Variants in CATSPERB observed in about 807,000 individuals in gnomAD.
The protein encoded by CATSPERB is catsper channel auxiliary subunit beta.
CATSPERB carries 93 observed loss-of-function variants against 128.3 expected under a neutral mutation model. The ratio of observed to expected loss-of-function variants is 0.72; its 90% CI spans 0.61 to 0.86. The LOEUF is 0.86. Ranked by LOEUF, CATSPERB falls within the 40% of genes least tolerant of loss-of-function variation. The probability of loss-of-function intolerance (pLI) is 0.00; values close to 1 mark genes in which losing one functional copy is unlikely to be tolerated. For synonymous variants in CATSPERB, 381 were observed against 448.8 expected (o/e 0.85, Z 1.91); for missense variants, 1,153 against 1,329.5 (o/e 0.87, Z 2.06).
At chr14:91,721,840 ACT>A (rs1348078026) in intron 4 of CATSPERB, among the ~76,000 whole-genome samples, 3 of 148,558 alleles carry the variant, frequency 2.0e-5, no homozygotes, top group East Asian at 2.0e-4. Flanking sequence ...ACAGAACGAG[ACT>A]CTGTCTAAAA....
chr14:91,605,268 C>T (rs762942333), intron 22 of CATSPERB: 82 of 1,201,056 alleles, frequency 6.8e-5, no homozygotes, highest in Middle Eastern at 2.7e-4. Flanking sequence ...TCTTTACAGA[C>T]GGATGCGTTG....
intron 17 of CATSPERB, among the ~76,000 whole-genome samples, chr14:91,630,705 G>A (rs1479157345): frequency 1.3e-5 from 2 of 152,028 alleles, no homozygotes; most frequent in African/African-American, 4.8e-5. Flanking sequence ...TTTCTAAGGG[G>A]CTTGGCAGCT....
intron 11 of CATSPERB, among the ~76,000 whole-genome samples, chr14:91,683,002 A>G (rs1895309702): frequency 6.6e-6 from 1 of 152,142 alleles, no homozygotes; most frequent in South Asian, 2.1e-4. Flanking sequence ...TGCATTGGAT[A>G]CTCATATTCT....
chr14:91,712,846 A>G (rs923418440), intron 5 of CATSPERB, among the ~76,000 whole-genome samples: 11 of 152,182 alleles, frequency 7.2e-5, no homozygotes, highest in African/African-American at 2.4e-4. Context: ...TTAACCCAAC[A>G]TGCACATCTT....
chr14:91,626,359 CTTTTTTTTTTTTTT>C (rs71120179), intron 17 of CATSPERB, among the ~76,000 whole-genome samples: 2 of 76,836 alleles, frequency 2.6e-5, no homozygotes, highest in African/African-American at 1.0e-4. Flanking sequence ...AGAGGTGGGA[CTTTTTTTTTTTTTT>C]TTTTTTTTTT....
At chr14:91,619,861 TTGTGTGTGTGTGTGTGTGTGTGTG>T (rs55687285) in intron 19 of CATSPERB, among the ~76,000 whole-genome samples, 4 of 139,030 alleles carry the variant, frequency 2.9e-5, no homozygotes, top group African/African-American at 8.1e-5. Context: ...TGTAATAAAA[TTGTGTGTGTGTGTGTGTGTGTGTG>T]TGTGTGTGTG....
intron 17 of CATSPERB, among the ~76,000 whole-genome samples, chr14:91,626,785 C>A (rs894042179): frequency 3.3e-5 from 5 of 152,140 alleles, no homozygotes; most frequent in Admixed American, 2.0e-4. Flanking sequence ...CTGTGATATT[C>A]TATTATAGCA....
intron 26 of CATSPERB, among the ~76,000 whole-genome samples, chr14:91,584,077 T>C (rs568327023): frequency 4.9e-4 from 75 of 152,188 alleles, no homozygotes; most frequent in African/African-American, 1.7e-3. Flanking sequence ...TTTTTCCTTT[T>C]TTTTTGAGAC....
chr14:91,723,242 C>CT, intron 3 of CATSPERB, 53 bp from the exon 4 acceptor site: 1 of 1,319,822 alleles, frequency 7.6e-7, no homozygotes, highest in Non-Finnish European at 9.9e-7. Context: ...GATGCAGACA[C>CT]ACAAGTTAGT....
chr14:91,633,997 C>T (rs1352617359), intron 17 of CATSPERB, among the ~76,000 whole-genome samples: 1 of 151,994 alleles, frequency 6.6e-6, no homozygotes, highest in African/African-American at 2.4e-5. Context: ...TATAGTTGAC[C>T]CTTGAACAAT....
intron 5 of CATSPERB, among the ~76,000 whole-genome samples, chr14:91,718,631 G>A (rs1303483546): frequency 6.6e-6 from 1 of 152,096 alleles, no homozygotes; most frequent in Non-Finnish European, 1.5e-5. Context: ...ACTTTAGAAA[G>A]CCTGTCTACA....
intron 26 of CATSPERB, among the ~76,000 whole-genome samples, chr14:91,586,583 G>GAGAGAGAA (rs1893305847): frequency 6.6e-6 from 1 of 151,582 alleles, no homozygotes; most frequent in African/African-American, 2.4e-5. Context: ...GAGAGAGAGA[G>GAGAGAGAA]AGAGAGAGAG....
intron 22 of CATSPERB, among the ~76,000 whole-genome samples, chr14:91,593,998 T>G (rs548033058): frequency 6.6e-6 from 1 of 152,320 alleles, no homozygotes; most frequent in East Asian, 1.9e-4. Context: ...ACTTTTGCTT[T>G]CTCCTCATTT....
chr14:91,714,434 G>C (rs1366849067), intron 5 of CATSPERB, among the ~76,000 whole-genome samples: 2 of 151,584 alleles, frequency 1.3e-5, no homozygotes, highest in Admixed American at 1.3e-4. Flanking sequence ...AATTTAACAA[G>C]ATTGCAGGAT....
chr14:91,646,526 T>G (rs996588538), intron 15 of CATSPERB, among the ~76,000 whole-genome samples: 2 of 152,196 alleles, frequency 1.3e-5, no homozygotes, highest in Non-Finnish European at 2.9e-5. Context: ...AACCTCTCTC[T>G]CAGTAAGAGT....
chr14:91,607,414 T>C lies in CATSPERB; in HGVS notation c.2709+880A>G, dbSNP rs187146200. 2.7e-4 allele frequency among the ~76,000 whole-genome samples: 41 copies of C among 152,286 alleles called. 1 individual carries two copies. The highest frequency in any genetic ancestry group is 9.1e-4 in the African/African-American group (38 of 41,556). ...GGAAAAGCACCTGAAGAGTCAGCCA[T>C]GTGGTATCAGGCAGAAAAGCATTCC... On this transcript the variant is annotated intron_variant, in intron 22 of 26. Coordinates refer to ENST00000256343, the MANE Select transcript of CATSPERB (RefSeq NM_024764.4).
chr14:91,612,165 T>C (rs1281273317), intron 20 of CATSPERB, among the ~76,000 whole-genome samples: 1 of 152,046 alleles, frequency 6.6e-6, no homozygotes, highest in African/African-American at 2.4e-5. Context: ...GCTCAAGCGA[T>C]CCTCTCACCT....
At chr14:91,666,379 G>GT (rs1447722258) in intron 14 of CATSPERB, among the ~76,000 whole-genome samples, 1 of 152,182 alleles carries the variant, frequency 6.6e-6, no homozygotes, top group Non-Finnish European at 1.5e-5. Context: ...GACCCGGAGG[G>GT]CAAATACTCA....
chr14:91,610,614 C>G lies in CATSPERB; in HGVS notation c.2464G>C (p.Val822Leu). 2 of 1,613,012 alleles carry G rather than the reference C, an allele frequency of 1.2e-6. No homozygotes were observed. The highest frequency in any genetic ancestry group is 1.1e-5 in the South Asian group (1 of 91,044). The change falls in exon 21 of 27, where the codon GTG becomes CTG. Residue 822 changes from valine (V) to leucine (L), a missense_variant. Physicochemically the swap from Val to Leu is conservative, Grantham distance 32. Transcript: ENST00000256343. ...CTACAGCTGCTTTTCAGTGTTGGCA[C>G]CATTGTCGTAACAAAGCACTCAGTA... ...ASTECFVTTM[V>L]PTLKSSCSYL... is the part of the protein sequence containing the mutation.
Sources: gnomAD v4.1 joint callset for allele counts (sites outside exome capture counted in the v4.1 genomes callset) on GRCh38, gnomAD v4.1.1 for gene constraint, MANE v1.5 for transcripts, NCBI Gene and HGNC (gene_info 2026-07-23, HGNC 2026-07-21) for gene names.